Variants in DIXDC1 observed in about 807,000 individuals in gnomAD.
DIXDC1 encodes the protein DIX domain containing 1.
In DIXDC1, 64 loss-of-function variants were observed where a neutral mutation model predicts 103.1. The observed-to-expected ratio is 0.62, with a 90% CI of 0.51 to 0.76. DIXDC1 has a LOEUF of 0.76. Ranked by LOEUF, DIXDC1 falls within the 30% of genes least tolerant of loss-of-function variation. DIXDC1 has a pLI of 0.00. For synonymous variants in DIXDC1, 266 were observed against 298.5 expected, an observed-to-expected ratio of 0.89 and a Z score of 1.12; for missense variants, 759 against 834.2, an observed-to-expected ratio of 0.91 and a Z score of 1.11.
intron 1 of DIXDC1, among the ~76,000 whole-genome samples, chr11:111,941,405 G>A (rs1206411889): frequency 6.6e-6 from 1 of 152,142 alleles, no homozygotes; most frequent in African/African-American, 2.4e-5. Context: ...TCACTTGTCC[G>A]AACCTTAAGC....
Position 111,987,044 on chromosome 11 carries a change from A to G in DIXDC1, c.1062+120A>G, listed in dbSNP as rs587717493. The G allele has an allele frequency of 3.1e-4, 198 of 647,090 alleles. No homozygotes were observed. The African/African-American group carries it at 3.3e-3, about 11-fold the overall frequency. The allele number at this position is 647,090 out of a possible 1,614,324, so 40.1% of individuals were successfully genotyped here. A position where few individuals can be genotyped will look rare whatever the true frequency, so the allele number is the denominator to read the frequency against. On this transcript the variant is annotated intron_variant, in intron 9 of 19. Transcript: ENST00000440460. The stretch of plus-strand genomic sequence containing the variant: ...GGCGGGCAGATCACAAGGTCAGGAG[A>G]TCGAGACCATCCTGGCTAACATGGT...
intron 1 of DIXDC1, chr11:111,928,279 G>A (rs989628971): frequency 1.1e-4 from 17 of 152,164 alleles, no homozygotes; most frequent in African/African-American, 4.1e-4. Flanking sequence ...GCCGGGCGTG[G>A]TGGCTCACGC....
intron 1 of DIXDC1, among the ~76,000 whole-genome samples, chr11:111,955,580 A>G (rs971472516): frequency 6.6e-6 from 1 of 151,892 alleles, no homozygotes; most frequent in Non-Finnish European, 1.5e-5. Flanking sequence ...CATGCCTGTA[A>G]TCTCAGCACT....
chr11:111,961,700 G>A (rs1219270949), intron 1 of DIXDC1, among the ~76,000 whole-genome samples: 1 of 152,172 alleles, frequency 6.6e-6, no homozygotes, highest in African/African-American at 2.4e-5. Context: ...AAATTATCTT[G>A]ACCTCAAGAA....
chr11:112,004,507 C>T lies in DIXDC1; in HGVS notation c.1756+8361C>T, dbSNP rs1566567835. Among the ~76,000 whole-genome samples the T allele has an allele frequency of 3.3e-5, 5 of 152,162 alleles. No individual in the cohort carries two copies. In the South Asian group the frequency reaches 1.0e-3, roughly 32 times the overall value. ...CTTGGACTCAGATTGTAAGAGGTCG[C>T]CTACCACTGGGGGAGGGACAGGATC... On this transcript the variant is annotated intron_variant, in intron 17 of 19. Coordinates refer to ENST00000440460, the MANE Select transcript of DIXDC1 (RefSeq NM_001037954.4).
intron 5 of DIXDC1, among the ~76,000 whole-genome samples, chr11:111,980,165 G>C (rs1467158819): frequency 6.6e-6 from 1 of 152,038 alleles, no homozygotes; most frequent in Admixed American, 6.6e-5. Context: ...CCGCTCCTCT[G>C]CCCAGCCTGG....
Position 111,998,686 on chromosome 11 carries a change from AC to A in DIXDC1, c.1756+2542del, listed in dbSNP as rs1383210611. Among the ~76,000 whole-genome samples the A allele has an allele frequency of 3.7e-4, 57 of 152,016 alleles. No individual in the cohort carries two copies. The highest frequency in any genetic ancestry group is 3.9e-4 in the Admixed American group (6 of 15,244). ...AGCCTCCTGATTACAGGCGCCCGCC[AC>A]CACGCCCGGCTAATTTTTTGTATTT... On this transcript the variant is annotated intron_variant, in intron 17 of 19. Coordinates refer to ENST00000440460, the MANE Select transcript of DIXDC1 (RefSeq NM_001037954.4). This position sits in a 1 kb window ranked among gnomAD's most constrained non-coding sequence, Gnocchi z 4.1.
At chr11:111,989,148 CT>C (rs1860605477) in intron 10 of DIXDC1, 93 bp downstream of exon 10, 3 of 983,346 alleles carry the variant, frequency 3.1e-6, no homozygotes, top group Non-Finnish European at 4.4e-6. Context: ...TTCTGTGGAC[CT>C]TTAATAGCTC....
intron 1 of DIXDC1, among the ~76,000 whole-genome samples, chr11:111,949,006 GC>G (rs1966689870): frequency 6.6e-6 from 1 of 151,910 alleles, no homozygotes; most frequent in Non-Finnish European, 1.5e-5. Context: ...TCACTGAGCA[GC>G]CCTGCAACTG....
At chr11:111,961,192 G>A (rs1859566608) in intron 1 of DIXDC1, among the ~76,000 whole-genome samples, 3 of 152,226 alleles carry the variant, frequency 2.0e-5, no homozygotes, top group South Asian at 2.1e-4. Flanking sequence ...GTAGACAGCC[G>A]CTTAGTATAG....
At chr11:111,992,098 C>G (rs954535726) in intron 10 of DIXDC1, among the ~76,000 whole-genome samples, 3 of 152,144 alleles carry the variant, frequency 2.0e-5, no homozygotes, top group Non-Finnish European at 4.4e-5. Flanking sequence ...CTATCTGATC[C>G]CAAAGTCCAG....
chr11:112,001,830 C>T (rs1236496032), intron 17 of DIXDC1, among the ~76,000 whole-genome samples: 1 of 150,566 alleles, frequency 6.6e-6, no homozygotes, highest in Non-Finnish European at 1.5e-5. Flanking sequence ...GATCTCAGCT[C>T]ACTGCAGCCT....
Position 111,983,493 on chromosome 11 carries a change from G to A in DIXDC1, c.918+1006G>A, listed in dbSNP as rs1377108669. On this transcript the variant is annotated intron_variant, in intron 7 of 19. Transcript: ENST00000440460. Reference sequence around the variant, plus strand: ...TTTGCTCTGTATTTTTAAAATGGCTGGCTTATGAGGCCTTTTAGATCTCTT... The same window carrying A: ...TTTGCTCTGTATTTTTAAAATGGCTAGCTTATGAGGCCTTTTAGATCTCTT... Among the ~76,000 whole-genome samples, 3 of 152,072 alleles carry A rather than the reference G, an allele frequency of 2.0e-5. No homozygotes were observed. The East Asian group carries it at 5.8e-4, about 29-fold the overall frequency.
intron 1 of DIXDC1, among the ~76,000 whole-genome samples, chr11:111,952,917 G>A (rs1308271613): frequency 1.3e-5 from 2 of 152,054 alleles, no homozygotes; most frequent in African/African-American, 2.4e-5. Context: ...TTGAACTTGG[G>A]AGGTTGAGGC....
intron 5 of DIXDC1, 186 bp downstream of exon 5, chr11:111,975,169 G>T: frequency 2.1e-6 from 3 of 1,397,666 alleles, no homozygotes; most frequent in Non-Finnish European, 2.8e-6. Flanking sequence ...AAGGTAGGGT[G>T]GGGTGCTGGT....
intron 1 of DIXDC1, among the ~76,000 whole-genome samples, chr11:111,941,402 T>G (rs1464371696): frequency 6.6e-6 from 1 of 152,176 alleles, no homozygotes; most frequent in Non-Finnish European, 1.5e-5. Context: ...AAATCACTTG[T>G]CCGAACCTTA....
upstream of DIXDC1, among the ~76,000 whole-genome samples, chr11:111,935,103 C>G (rs1210132054): frequency 8.6e-5 from 13 of 151,064 alleles, no homozygotes; most frequent in Admixed American, 7.2e-4. Context: ...CAATATTGGA[C>G]CATATGCCTT....
At chr11:111,969,040 A>C (rs990529773) in intron 3 of DIXDC1, among the ~76,000 whole-genome samples, 3 of 151,816 alleles carry the variant, frequency 2.0e-5, no homozygotes, top group South Asian at 2.1e-4. Context: ...TGGCCTCCCA[A>C]AGTGCTGGGA....
In DIXDC1 at chr11:112,017,683, T is replaced by C. The variant is rs1465861398; in HGVS notation, c.1863-94T>C. ...CCTAACAAGGGGCTATTTCTGCTTA[T>C]TGACTTTGGCAGGGGGCTGTGTTTA... On this transcript the variant is annotated intron_variant, in intron 18 of 19. Coordinates refer to ENST00000440460, the MANE Select transcript of DIXDC1 (RefSeq NM_001037954.4). The surrounding 1 kb of genome is among the most constrained non-coding windows in gnomAD (Gnocchi z 4.0). 9.7e-6 allele frequency: 10 copies of C among 1,031,724 alleles called. No homozygotes were observed. Among genetic ancestry groups the C allele is most frequent in the Admixed American group, 6.5e-5 (3 of 46,442 alleles). 63.9% of individuals were successfully genotyped at this position (1,031,724 alleles called of 1,614,324 possible). A position where few individuals can be genotyped will look rare whatever the true frequency, so the allele number is the denominator to read the frequency against.
Sources: allele counts gnomAD v4.1 joint callset (sites outside exome capture counted in the v4.1 genomes callset), GRCh38; gene constraint gnomAD v4.1.1; non-coding constraint Gnocchi (gnomAD v3.1); transcripts MANE v1.5; gene names NCBI Gene and HGNC (gene_info 2026-07-23, HGNC 2026-07-21).